Variants in USP6 observed in about 807,000 individuals in gnomAD.
The protein encoded by USP6 is ubiquitin carboxyl-terminal hydrolase 6.
A neutral mutation model predicts 175.7 loss-of-function variants in USP6; 128 were observed. That is an observed-to-expected ratio of 0.73 (90% CI 0.63 to 0.84). The LOEUF (loss-of-function observed/expected upper bound fraction) is 0.84. USP6 is among the 40% of genes least tolerant of loss of function. The probability of loss-of-function intolerance (pLI) is 0.00; values close to 1 mark genes in which losing one functional copy is unlikely to be tolerated. For synonymous variants in USP6, 562 were observed against 630.6 expected, an observed-to-expected ratio of 0.89 and a Z score of 1.63; for missense variants, 1,498 against 1,760.3, an observed-to-expected ratio of 0.85 and a Z score of 2.67.
Position 5,121,434 on chromosome 17 carries a change from A to G in USP6, c.-1615A>G, listed in dbSNP as rs2143717187. On this transcript the variant is annotated 5_prime_UTR_variant, in exon 4 of 38. The change creates a new upstream start codon in the 5' untranslated region. Transcript: ENST00000574788. ...CAGAGGCCCTGCAGAGCGGCAGGATAGAGATATGGAGCTCTACATCTCTGT... is the reference window on the plus strand; with the variant it reads ...CAGAGGCCCTGCAGAGCGGCAGGATGGAGATATGGAGCTCTACATCTCTGT... The G allele has an allele frequency of 3.2e-6, 1 of 312,998 alleles. No individual in the cohort carries two copies. The highest frequency in any genetic ancestry group is 3.0e-5 in the South Asian group (1 of 33,592). The allele number at this position is 312,998 out of a possible 1,614,324, so 19.4% of individuals were successfully genotyped here.
intron 25 of USP6, among the ~76,000 whole-genome samples, chr17:5,143,406 A>G (rs2073511882): frequency 6.6e-6 from 1 of 152,186 alleles, no homozygotes; most frequent in Non-Finnish European, 1.5e-5. Flanking sequence ...TTTGTTCTGT[A>G]CTAAGAAAAA....
intron 31 of USP6, among the ~76,000 whole-genome samples, chr17:5,160,118 C>T (rs113160771): frequency 0.017 from 2,572 of 152,210 alleles, 76 homozygotes; most frequent in African/African-American, 0.058. Flanking sequence ...TGTTTTATCC[C>T]ATTATCTTTC....
At chr17:5,148,868 T>C (rs543737679) in intron 30 of USP6, 101 bp downstream of exon 30, 1 of 1,498,322 alleles carries the variant, frequency 6.7e-7, no homozygotes, top group South Asian at 1.4e-5. Context: ...TTTTCTTCTC[T>C]TTTTTCTTTA....
intron 31 of USP6, 78 bp downstream of exon 31, chr17:5,155,684 T>C (rs2073868869): frequency 2.8e-6 from 4 of 1,436,894 alleles, no homozygotes; most frequent in Admixed American, 2.5e-5. Context: ...ACATGACAGA[T>C]AGGGCCCAGC....
chr17:5,132,313 A>T lies in USP6; in HGVS notation c.156-83A>T, dbSNP rs550489687. The T allele has an allele frequency of 3.9e-5, 63 of 1,611,388 alleles. 1 individual carries two copies. The East Asian group carries it at 1.2e-3, about 31-fold the overall frequency. On this transcript the variant is annotated intron_variant, in intron 11 of 37. Transcript: ENST00000574788. The surrounding 1 kb of genome is among the most constrained non-coding windows in gnomAD (Gnocchi z 4.7). ...CCCTGAGCTGGATAGGGACAGAGCCAGTCCTTTCTGGGGGTCGGCTCCCAG... is the reference window on the plus strand; with the variant it reads ...CCCTGAGCTGGATAGGGACAGAGCCTGTCCTTTCTGGGGGTCGGCTCCCAG...
intron 33 of USP6, among the ~76,000 whole-genome samples, chr17:5,164,050 G>A (rs949077345): frequency 6.6e-6 from 1 of 152,210 alleles, no homozygotes; most frequent in African/African-American, 2.4e-5. Flanking sequence ...AGAATCTGAT[G>A]GAGAGGTAAA....
At chr17:5,133,653 G>T in intron 14 of USP6, 103 bp downstream of exon 14, 1 of 1,167,526 alleles carries the variant, frequency 8.6e-7, no homozygotes, top group Admixed American at 1.9e-5. Context: ...GGGGTGGGAG[G>T]GGATGGTTAG....
intron 1 of USP6, among the ~76,000 whole-genome samples, chr17:5,117,095 CACTT>C (rs2072555040): frequency 6.6e-6 from 1 of 152,212 alleles, no homozygotes; most frequent in African/African-American, 2.4e-5. Flanking sequence ...TCCTTTTTGG[CACTT>C]ATGGTTGCAA....
intron 2 of USP6, among the ~76,000 whole-genome samples, chr17:5,119,434 CCTT>C (rs1488401097): frequency 3.9e-5 from 6 of 152,180 alleles, no homozygotes; most frequent in African/African-American, 1.2e-4. Flanking sequence ...ACTCTTTTGT[CCTT>C]CTTCAGCCCC....
At position 5,149,397 on chromosome 17, in the gene USP6, C is replaced by A. The variant is rs28569407; in HGVS notation, c.2643+630C>A. Among the ~76,000 whole-genome samples the A allele has an allele frequency of 6.0e-3, 912 of 151,540 alleles. 13 individuals are homozygous for A. Among genetic ancestry groups the A allele is most frequent in the African/African-American group, 0.021 (850 of 41,326 alleles). ...CAGCCTGGGTGGTAAAGCGAGACTT[C>A]ATCTCAAAAAAAAACAAAAACAAAA... On this transcript the variant is annotated intron_variant, in intron 30 of 37. Transcript: ENST00000574788.
Position 5,145,461 on chromosome 17 carries a change from G to A in USP6, c.2049G>A (p.Gly683=), listed in dbSNP as rs1245801537. 2 of 1,612,698 alleles carry A rather than the reference G, an allele frequency of 1.2e-6. No individual in the cohort carries two copies. Among genetic ancestry groups the A allele is most frequent in the Admixed American group, 3.3e-5 (2 of 59,798 alleles). ...CAATTATTGTGGATTTGTTCCATGG[G>A]CAGCTAAGATCTCAAGTCAAATGCA... The part of the protein sequence containing the change: ...NRSIIVDLFH[G]QLRSQVKCKT... The change falls in exon 27 of 38, where the codon GGG becomes GGA. Residue 683 remains glycine (G), a synonymous_variant. Transcript: ENST00000574788.
intron 34 of USP6, among the ~76,000 whole-genome samples, chr17:5,168,333 A>G (rs1367967692): frequency 1.6e-5 from 2 of 121,952 alleles, no homozygotes; most frequent in African/African-American, 5.1e-5. Flanking sequence ...CTCATAACCT[A>G]GAAGAAGAGA....
chr17:5,125,678 G>GCGCACACA (rs1344445678), intron 5 of USP6, 143 bp from the exon 6 acceptor site: 21 of 137,592 alleles, frequency 1.5e-4, no homozygotes, highest in African/African-American at 2.6e-4. Flanking sequence ...ACACGCACAT[G>GCGCACACA]CACACACACA....
chr17:5,149,584 C>G (rs1369214944), intron 30 of USP6, among the ~76,000 whole-genome samples: 2 of 152,008 alleles, frequency 1.3e-5, no homozygotes, highest in Non-Finnish European at 2.9e-5. Flanking sequence ...TAGAAAAAAA[C>G]AAAAACCAAC....
chr17:5,138,523 A>G (rs2073336107), intron 21 of USP6, among the ~76,000 whole-genome samples: 1 of 152,058 alleles, frequency 6.6e-6, no homozygotes, highest in South Asian at 2.1e-4. Flanking sequence ...GCCCCCTCCC[A>G]CTTTCCACGG....
intron 24 of USP6, 29 bp downstream of exon 24, chr17:5,142,170 A>G: frequency 6.2e-7 from 1 of 1,601,292 alleles, no homozygotes; most frequent in Non-Finnish European, 8.5e-7. Flanking sequence ...CTGGCCTCTT[A>G]ACCTGTGACT....
chr17:5,135,994 A>G, intron 17 of USP6, 66 bp downstream of exon 17: 1 of 1,595,552 alleles, frequency 6.3e-7, no homozygotes, highest in Non-Finnish European at 8.5e-7. Context: ...TGGCCAGGTG[A>G]TCTCGGCTTT....
intron 4 of USP6, among the ~76,000 whole-genome samples, chr17:5,123,574 CG>C (rs1223266177): frequency 4.6e-5 from 7 of 152,032 alleles, no homozygotes; most frequent in East Asian, 1.9e-4. Flanking sequence ...GCACTCACAC[CG>C]GGGGGGCACG....
At position 5,173,862 on chromosome 17, in the gene USP6, A is replaced by G; in HGVS notation, c.*884A>G. 1 of 223,286 alleles carries G rather than the reference A, an allele frequency of 4.5e-6. No homozygotes were observed. Among genetic ancestry groups the G allele is most frequent in the East Asian group, 6.5e-5 (1 of 15,328 alleles). The allele number at this position is 223,286 out of a possible 1,614,324, so 13.8% of individuals were successfully genotyped here. A position where few individuals can be genotyped will look rare whatever the true frequency, so the allele number is the denominator to read the frequency against. Reference sequence around the variant, plus strand: ...TTGCAACAAGAGCTTCTGGGAAGGTAAGCGGCATCGGAGCTAGATCACGTT... The same window carrying G: ...TTGCAACAAGAGCTTCTGGGAAGGTGAGCGGCATCGGAGCTAGATCACGTT... On this transcript the variant is annotated 3_prime_UTR_variant, in exon 38 of 38. Coordinates refer to ENST00000574788, the MANE Select transcript of USP6 (RefSeq NM_001304284.2).
Sources: allele counts gnomAD v4.1 joint callset (sites outside exome capture counted in the v4.1 genomes callset), GRCh38; gene constraint gnomAD v4.1.1; non-coding constraint Gnocchi (gnomAD v3.1); transcripts MANE v1.5; gene names NCBI Gene and HGNC (gene_info 2026-07-23, HGNC 2026-07-21).